The following ADAMTS19 variants were observed in gnomAD, a reference collection of about 807,000 sequenced individuals.
The protein encoded by ADAMTS19 is A disintegrin and metalloproteinase with thrombospondin motifs 19.
Under a neutral mutation model 153.3 loss-of-function variants are expected in ADAMTS19, and 93 were observed. The ratio of observed to expected loss-of-function variants is 0.61; its 90% CI spans 0.51 to 0.72. The LOEUF is 0.72. Among genes scored for constraint, ADAMTS19 ranks in the 30% least tolerant of loss-of-function variants. The pLI, the probability that ADAMTS19 is intolerant of heterozygous loss-of-function variation, is 0.00. For missense variants in ADAMTS19, 1,482 were observed against 1,552.1 expected (o/e 0.95, Z 0.76); for synonymous variants, 600 against 556.6 (o/e 1.08, Z -1.10).
At chr5:129,477,002 T>A (rs1209779274) in intron 2 of ADAMTS19, among the ~76,000 whole-genome samples, 7 of 152,156 alleles carry the variant, frequency 4.6e-5, no homozygotes, top group Non-Finnish European at 7.4e-5. Context: ...GGGAATGCTA[T>A]CTGAATGGTT....
chr5:129,515,260 T>G (rs1751561148), intron 3 of ADAMTS19, among the ~76,000 whole-genome samples: 1 of 152,054 alleles, frequency 6.6e-6, no homozygotes, highest in Non-Finnish European at 1.5e-5. Context: ...GAGGATAGCT[T>G]TGTCTGTTTG....
At chr5:129,712,833 CTT>C (rs1310091938) in intron 21 of ADAMTS19, among the ~76,000 whole-genome samples, 8 of 152,240 alleles carry the variant, frequency 5.3e-5, no homozygotes, top group Admixed American at 2.0e-4. Flanking sequence ...ATCTCTCTCT[CTT>C]TCTCTCTCCC....
chr5:129,557,562 G>T (rs1753358466), intron 7 of ADAMTS19, among the ~76,000 whole-genome samples: 1 of 152,118 alleles, frequency 6.6e-6, no homozygotes, highest in Non-Finnish European at 1.5e-5. Context: ...TGGTGGCACT[G>T]CACTCCAGCC....
chr5:129,627,732 G>A lies in ADAMTS19; in HGVS notation c.1770+5384G>A, dbSNP rs188682405. On this transcript the variant is annotated intron_variant, in intron 10 of 22. Coordinates refer to ENST00000274487, the MANE Select transcript of ADAMTS19 (RefSeq NM_133638.6). Reference sequence around the variant, plus strand: ...TGATTAGATAAATACATATCAAAACGACAATGAGATAACATCTCACACCAG... The same window carrying A: ...TGATTAGATAAATACATATCAAAACAACAATGAGATAACATCTCACACCAG... Among the ~76,000 whole-genome samples, 275 of 151,916 alleles carry A rather than the reference G, an allele frequency of 1.8e-3. 2 individuals are homozygous for A. Among genetic ancestry groups the A allele is most frequent in the African/African-American group, 6.5e-3 (268 of 41,474 alleles).
intron 6 of ADAMTS19, among the ~76,000 whole-genome samples, chr5:129,534,691 C>T (rs961782277): frequency 3.1e-4 from 47 of 152,134 alleles, no homozygotes; most frequent in African/African-American, 8.2e-4. Context: ...ACTGGCAAAC[C>T]GAATCCAGCA....
At chr5:129,497,322 C>A (rs1245184367) in intron 2 of ADAMTS19, among the ~76,000 whole-genome samples, 4 of 152,060 alleles carry the variant, frequency 2.6e-5, no homozygotes, top group Admixed American at 1.3e-4. Context: ...GTGTTAGGGT[C>A]CTCAGGGATT....
At chr5:129,633,255 TTTTCA>T (rs1752386141) in intron 10 of ADAMTS19, among the ~76,000 whole-genome samples, 2 of 152,194 alleles carry the variant, frequency 1.3e-5, no homozygotes, top group African/African-American at 4.8e-5. Context: ...TTGAGATATC[TTTTCA>T]TTTATTACAA....
At chr5:129,737,028 T>C (rs202041142) in intron 22 of ADAMTS19, 39 bp from the exon 23 acceptor site, 2 of 1,520,944 alleles carry the variant, frequency 1.3e-6, no homozygotes. Context: ...ACATATATGA[T>C]ATCTGCATGG....
chr5:129,543,040 G>GTTTTTTTTTTTTTT (rs201935631), intron 6 of ADAMTS19, among the ~76,000 whole-genome samples: 1 of 144,754 alleles, frequency 6.9e-6, no homozygotes, highest in Non-Finnish European at 1.5e-5. Context: ...TGTTGTTGTT[G>GTTTTTTTTTTTTTT]TTGTTTTGTT....
chr5:129,643,064 G>A (rs575048306), intron 11 of ADAMTS19, among the ~76,000 whole-genome samples: 1 of 152,166 alleles, frequency 6.6e-6, no homozygotes, highest in East Asian at 1.9e-4. Flanking sequence ...TATAAGACAT[G>A]GCTGTTAGTT....
chr5:129,701,829 T>A (rs1581241790), intron 20 of ADAMTS19, among the ~76,000 whole-genome samples: 1 of 152,358 alleles, frequency 6.6e-6, no homozygotes, highest in African/African-American at 2.4e-5. Flanking sequence ...TATACACATT[T>A]TAAATTCTGC....
Position 129,469,783 on chromosome 5 carries a change from G to A in ADAMTS19, c.747+8026G>A, listed in dbSNP as rs545269716. Among the ~76,000 whole-genome samples, 241 of 152,176 alleles carry A rather than the reference G, an allele frequency of 1.6e-3. 1 individual carries two copies. Among genetic ancestry groups the A allele is most frequent in the African/African-American group, 5.4e-3 (223 of 41,512 alleles). ...CTTTTAGAGTTCATCACAGTTATTC[G>A]ATTTAGTAAGTACTCAATCTCTCCT... On this transcript the variant is annotated intron_variant, in intron 2 of 22. Transcript: ENST00000274487.
intron 8 of ADAMTS19, among the ~76,000 whole-genome samples, chr5:129,619,856 A>C (rs1751697597): frequency 6.6e-6 from 1 of 152,056 alleles, no homozygotes; most frequent in Non-Finnish European, 1.5e-5. Flanking sequence ...CTATGTGATA[A>C]TTCAGGAAAG....
chr5:129,497,409 G>T (rs1434936323), intron 2 of ADAMTS19, among the ~76,000 whole-genome samples: 1 of 152,016 alleles, frequency 6.6e-6, no homozygotes, highest in Non-Finnish European at 1.5e-5. Flanking sequence ...ACTGAAAAAT[G>T]ATCATTATTT....
chr5:129,589,538 A>T (rs1417664712), intron 7 of ADAMTS19, among the ~76,000 whole-genome samples: 5 of 152,052 alleles, frequency 3.3e-5, no homozygotes, highest in Admixed American at 3.3e-4. Flanking sequence ...GAAAGTTTTT[A>T]TTCTCAAAAA....
At chr5:129,516,881 A>AT (rs1399786316) in intron 3 of ADAMTS19, among the ~76,000 whole-genome samples, 1 of 71,748 alleles carries the variant, frequency 1.4e-5, no homozygotes, top group African/African-American at 5.6e-5. Flanking sequence ...GTTTTTTGAG[A>AT]TTTTTCCTTT....
At chr5:129,468,303 C>T (rs922721735) in intron 2 of ADAMTS19, among the ~76,000 whole-genome samples, 5 of 151,960 alleles carry the variant, frequency 3.3e-5, no homozygotes, top group Admixed American at 2.0e-4. Flanking sequence ...CCAGTATGGA[C>T]GTTATTATTA....
In ADAMTS19 at chr5:129,728,819, G is replaced by A. The variant is rs1029159128; in HGVS notation, c.3313-6113G>A. Among the ~76,000 whole-genome samples the A allele has an allele frequency of 4.6e-5, 7 of 152,124 alleles. No individual in the cohort carries two copies. The East Asian group carries it at 1.2e-3, about 25-fold the overall frequency. ...TCTGGTGTTTGTATTTTTTACAAAG[G>A]ACCATGAACATAATGAGTGGTCAGT... is the stretch of plus-strand genomic sequence containing the variant. On this transcript the variant is annotated intron_variant, in intron 21 of 22. Coordinates refer to ENST00000274487, the MANE Select transcript of ADAMTS19 (RefSeq NM_133638.6).
intron 7 of ADAMTS19, among the ~76,000 whole-genome samples, chr5:129,584,915 T>C (rs1305225439): frequency 6.6e-6 from 1 of 152,180 alleles, no homozygotes; most frequent in Non-Finnish European, 1.5e-5. Flanking sequence ...TCGTTCTGTC[T>C]TGCTGGTATT....
Sources: allele counts gnomAD v4.1 joint callset (sites outside exome capture counted in the v4.1 genomes callset), GRCh38; gene constraint gnomAD v4.1.1; transcripts MANE v1.5; gene names NCBI Gene and HGNC (gene_info 2026-07-23, HGNC 2026-07-21).